The following ANKRD30BL variants were observed in gnomAD, a reference collection of about 807,000 sequenced individuals.
ANKRD30BL encodes the protein putative ankyrin repeat domain-containing protein 30B-like.
A neutral mutation model predicts 18.4 loss-of-function variants in ANKRD30BL; 20 were observed. That is an observed-to-expected ratio of 1.09 (90% CI 0.77 to 1.58). ANKRD30BL has a LOEUF of 1.58. Among genes scored for constraint, ANKRD30BL ranks in the 40% most tolerant of loss-of-function variants. The probability of loss-of-function intolerance (pLI) is 0.00; values close to 1 mark genes in which losing one functional copy is unlikely to be tolerated. For missense variants in ANKRD30BL, 224 were observed against 268.6 expected (o/e 0.83, Z 1.16); for synonymous variants, 72 against 100.9 (o/e 0.71, Z 1.72).
intron 1 of ANKRD30BL, among the ~76,000 whole-genome samples, chr2:132,178,024 G>T (rs13387183): frequency 0.53 from 79,969 of 151,936 alleles, 21,299 homozygotes; most frequent in South Asian, 0.61. Flanking sequence ...AAAATGAAAT[G>T]AATTTTTTTA....
intron 1 of ANKRD30BL, among the ~76,000 whole-genome samples, chr2:132,249,328 T>C (rs1389544663): frequency 6.6e-6 from 1 of 152,024 alleles, no homozygotes; most frequent in Non-Finnish European, 1.5e-5. Context: ...AGCCTGAAAG[T>C]GTTCACAAAT....
chr2:132,208,059 C>T (rs1460406796), intron 1 of ANKRD30BL, among the ~76,000 whole-genome samples: 1 of 152,100 alleles, frequency 6.6e-6, no homozygotes, highest in East Asian at 1.9e-4. Context: ...TATTTCTCCT[C>T]TGGAGCCTTG....
chr2:132,215,498 G>C (rs1679474386), intron 1 of ANKRD30BL, among the ~76,000 whole-genome samples: 1 of 152,202 alleles, frequency 6.6e-6, no homozygotes, highest in African/African-American at 2.4e-5. Flanking sequence ...TGTGTGGTTT[G>C]AGGCCTACAG....
chr2:132,159,567 T>C (rs1688000807), intron 1 of ANKRD30BL, among the ~76,000 whole-genome samples: 1 of 152,212 alleles, frequency 6.6e-6, no homozygotes, highest in African/African-American at 2.4e-5. Flanking sequence ...TTTTTAGATC[T>C]GCAATTTATA....
At chr2:132,206,242 G>A (rs1175497605) in intron 1 of ANKRD30BL, among the ~76,000 whole-genome samples, 2 of 152,168 alleles carry the variant, frequency 1.3e-5, no homozygotes, top group African/African-American at 4.8e-5. Flanking sequence ...CTCTTTTGGA[G>A]GAAGTGTAAT....
chr2:132,224,247 AG>A (rs1679780269), intron 1 of ANKRD30BL, among the ~76,000 whole-genome samples: 1 of 151,966 alleles, frequency 6.6e-6, no homozygotes. Flanking sequence ...CTCTTTTTGT[AG>A]AATCTGCAAG....
At chr2:132,256,935 C>CTGCGGGT (rs1203841020) in intron 1 of ANKRD30BL, 3 of 488,880 alleles carry the variant, frequency 6.1e-6, no homozygotes, top group Non-Finnish European at 1.2e-5. Flanking sequence ...GGCAAGGGCA[C>CTGCGGGT]CTGGGAGCCC....
intron 1 of ANKRD30BL, among the ~76,000 whole-genome samples, chr2:132,222,579 T>G (rs201548996): frequency 6.6e-6 from 1 of 151,924 alleles, no homozygotes; most frequent in Non-Finnish European, 1.5e-5. Flanking sequence ...GTCCACTCAG[T>G]GTTAAATGGA....
At chr2:132,197,251 T>A (rs1175366142) in intron 1 of ANKRD30BL, among the ~76,000 whole-genome samples, 1 of 152,228 alleles carries the variant, frequency 6.6e-6, no homozygotes, top group African/African-American at 2.4e-5. Context: ...TGAATCCATA[T>A]CCAGACACAT....
At chr2:132,167,874 G>A (rs1688216540) in intron 1 of ANKRD30BL, among the ~76,000 whole-genome samples, 2 of 152,184 alleles carry the variant, frequency 1.3e-5, no homozygotes, top group Admixed American at 1.3e-4. Context: ...TGTACCTCCT[G>A]TACCTTATGA....
chr2:132,198,129 T>C (rs1679001853), intron 1 of ANKRD30BL, among the ~76,000 whole-genome samples: 1 of 152,008 alleles, frequency 6.6e-6, no homozygotes, highest in Non-Finnish European at 1.5e-5. Context: ...GGGTGTCTTA[T>C]TTACAATATG....
chr2:132,147,865 A>G lies in ANKRD30BL; in HGVS notation c.*266T>C, dbSNP rs1049931992. 2.2e-5 allele frequency: 9 copies of G among 418,190 alleles called. No homozygotes were observed. The highest frequency in any genetic ancestry group is 4.0e-5 in the Non-Finnish European group (9 of 222,894). The allele number at this position is 418,190 out of a possible 1,614,324, so 25.9% of individuals were successfully genotyped here. The stretch of plus-strand genomic sequence containing the variant: ...CAGAGCAGGTGTCTAAGGATGACTA[A>G]GGACAGAGCAGGTTACTAAGAATGA... On this transcript the variant is annotated 3_prime_UTR_variant, in exon 6 of 6. Coordinates refer to ENST00000409867, the MANE Select transcript of ANKRD30BL (RefSeq NM_001358416.1).
intron 1 of ANKRD30BL, among the ~76,000 whole-genome samples, chr2:132,238,098 C>T (rs1275379256): frequency 6.6e-6 from 1 of 151,630 alleles, no homozygotes; most frequent in South Asian, 2.1e-4. Flanking sequence ...ACATTTAGTG[C>T]GATTTGAGAC....
In ANKRD30BL at chr2:132,237,290, G is replaced by A. The variant is rs1284654407; in HGVS notation, n.441+20239C>T. Among the ~76,000 whole-genome samples, 10 of 151,570 alleles carry A rather than the reference G, an allele frequency of 6.6e-5. No individual in the cohort carries two copies. In the East Asian group the frequency reaches 1.7e-3, roughly 26 times the overall value. Reference sequence around the variant, plus strand: ...TAAAGAATAATAATAATAATAAAAAGTAGACAGAAGCATTCTCACAAACTA... The same window carrying A: ...TAAAGAATAATAATAATAATAAAAAATAGACAGAAGCATTCTCACAAACTA... On this transcript the variant is annotated intron_variant and non_coding_transcript_variant, in intron 1 of 4. Coordinates refer to the ANKRD30BL transcript ENST00000470729.
chr2:132,174,081 G>A (rs1688325391), intron 1 of ANKRD30BL, among the ~76,000 whole-genome samples: 1 of 152,170 alleles, frequency 6.6e-6, no homozygotes. Context: ...TTTTTATTCT[G>A]AGACTTCTCT....
chr2:132,198,308 C>G (rs866418181), intron 1 of ANKRD30BL, among the ~76,000 whole-genome samples: 3 of 12,614 alleles, frequency 2.4e-4, no homozygotes, highest in African/African-American at 6.4e-4. Flanking sequence ...TTCTTTCTTT[C>G]TTTCTTTCTT....
intron 1 of ANKRD30BL, among the ~76,000 whole-genome samples, chr2:132,160,204 C>T (rs1465355237): frequency 5.9e-5 from 9 of 152,006 alleles, no homozygotes; most frequent in East Asian, 1.9e-4. Flanking sequence ...CAGTTTCAAG[C>T]GATTCTCCCT....
chr2:132,251,621 C>T (rs952415840), intron 1 of ANKRD30BL, among the ~76,000 whole-genome samples: 1 of 152,134 alleles, frequency 6.6e-6, no homozygotes, highest in Non-Finnish European at 1.5e-5. Context: ...GTAAAACAGT[C>T]TTTAACATTC....
At chr2:132,165,524 C>T (rs981502098), upstream of ANKRD30BL, among the ~76,000 whole-genome samples, 1 of 140,630 alleles carries the variant, frequency 7.1e-6, no homozygotes, top group Non-Finnish European at 1.5e-5. Flanking sequence ...TAAAATTTCC[C>T]AAATCAACAG....
Sources: allele counts gnomAD v4.1 joint callset (sites outside exome capture counted in the v4.1 genomes callset), GRCh38; gene constraint gnomAD v4.1.1; transcripts MANE v1.5; gene names NCBI Gene and HGNC (gene_info 2026-07-23, HGNC 2026-07-21).